KCNIP4: variants seen among roughly 807,000 people sequenced by gnomAD.
KCNIP4 encodes the protein potassium voltage-gated channel interacting protein 4.
KCNIP4 carries 12 observed loss-of-function variants against 34.0 expected under a neutral mutation model. The ratio of observed to expected loss-of-function variants is 0.35; its 90% CI spans 0.23 to 0.57. The LOEUF is 0.57. Ranked by LOEUF, KCNIP4 falls within the 20% of genes least tolerant of loss-of-function variation. The pLI is 0.83. For missense variants in KCNIP4, 238 were observed against 311.7 expected (o/e 0.76, Z 1.78); for synonymous variants, 124 against 102.2 (o/e 1.21, Z -1.29).
intron 1 of KCNIP4, among the ~76,000 whole-genome samples, chr4:21,197,353 A>G (rs1052677018): frequency 7.2e-5 from 11 of 152,200 alleles, no homozygotes; most frequent in African/African-American, 2.2e-4. Context: ...AATGCATATT[A>G]TAACTTTTTG....
intron 1 of KCNIP4, among the ~76,000 whole-genome samples, chr4:20,960,151 T>C (rs1733708477): frequency 6.6e-6 from 1 of 152,198 alleles, no homozygotes; most frequent in Non-Finnish European, 1.5e-5. Flanking sequence ...GGAGCACATA[T>C]GATAAAAGCA....
chr4:20,936,573 T>A (rs1028486335), intron 1 of KCNIP4, among the ~76,000 whole-genome samples: 4 of 152,084 alleles, frequency 2.6e-5, no homozygotes, highest in African/African-American at 4.8e-5. Context: ...TTAAAAAAAA[T>A]TCCAAAATTC....
At chr4:21,074,705 C>T (rs1314048912) in intron 1 of KCNIP4, among the ~76,000 whole-genome samples, 3 of 151,964 alleles carry the variant, frequency 2.0e-5, no homozygotes, top group South Asian at 2.1e-4. Context: ...GCTCTTGCTT[C>T]CCTAGTTCTT....
intron 1 of KCNIP4, among the ~76,000 whole-genome samples, chr4:21,182,382 C>G (rs1476090976): frequency 1.3e-5 from 2 of 151,846 alleles, no homozygotes; most frequent in Non-Finnish European, 2.9e-5. Flanking sequence ...CATACATTTT[C>G]TTTTTCCTTA....
chr4:21,715,198 A>G (rs1714261035), intron 1 of KCNIP4, among the ~76,000 whole-genome samples: 1 of 151,254 alleles, frequency 6.6e-6, no homozygotes, highest in South Asian at 2.1e-4. Context: ...CTCCTGCCTT[A>G]TCTTCCCAAG....
chr4:20,919,429 C>G (rs1166826453), intron 1 of KCNIP4, among the ~76,000 whole-genome samples: 2 of 150,412 alleles, frequency 1.3e-5, no homozygotes, highest in Non-Finnish European at 3.0e-5. Flanking sequence ...ATAGATCGGG[C>G]GCGGTGGCTC....
intron 1 of KCNIP4, among the ~76,000 whole-genome samples, chr4:21,288,854 G>T (rs1419767640): frequency 6.6e-6 from 1 of 152,166 alleles, no homozygotes; most frequent in African/African-American, 2.4e-5. Flanking sequence ...GCATTAGTTT[G>T]CTTAGAATAA....
chr4:20,844,256 C>A (rs1450365055), intron 3 of KCNIP4, among the ~76,000 whole-genome samples: 1 of 152,190 alleles, frequency 6.6e-6, no homozygotes. Context: ...TATAGGCAAT[C>A]TTCCCTTCAG....
intron 3 of KCNIP4, among the ~76,000 whole-genome samples, chr4:20,848,504 T>TA (rs71655607): frequency 0.25 from 38,175 of 149,886 alleles, 5,043 homozygotes; most frequent in South Asian, 0.4. Context: ...AAACATAAAA[T>TA]AAAAAAAAAT....
intron 1 of KCNIP4, among the ~76,000 whole-genome samples, chr4:21,796,393 C>T (rs1720627915): frequency 6.6e-6 from 1 of 152,166 alleles, no homozygotes; most frequent in African/African-American, 2.4e-5. Flanking sequence ...GTGACCTCTT[C>T]CAATGAGGTC....
At chr4:21,540,331 C>A (rs1408794007) in intron 1 of KCNIP4, among the ~76,000 whole-genome samples, 2 of 152,096 alleles carry the variant, frequency 1.3e-5, no homozygotes, top group Non-Finnish European at 2.9e-5. Context: ...ACCTGACAAC[C>A]TTTAATAACA....
intron 1 of KCNIP4, among the ~76,000 whole-genome samples, chr4:21,577,827 T>C (rs1466150230): frequency 6.6e-6 from 1 of 152,118 alleles, no homozygotes; most frequent in Non-Finnish European, 1.5e-5. Context: ...TGTCATCATT[T>C]GGTATTTTCT....
intron 1 of KCNIP4, among the ~76,000 whole-genome samples, chr4:21,827,672 CA>C (rs1028429283): frequency 6.6e-6 from 1 of 152,018 alleles, no homozygotes; most frequent in African/African-American, 2.4e-5. Flanking sequence ...AATCTTGCCA[CA>C]AAAAATAAGA....
intron 1 of KCNIP4, among the ~76,000 whole-genome samples, chr4:20,918,655 C>T (rs1165839564): frequency 6.6e-6 from 1 of 152,184 alleles, no homozygotes; most frequent in East Asian, 1.9e-4. Context: ...TTCCTATCTT[C>T]CTGGAGCCTG....
chr4:21,381,481 A>G (rs781767584), intron 1 of KCNIP4, among the ~76,000 whole-genome samples: 6 of 152,218 alleles, frequency 3.9e-5, no homozygotes, highest in Non-Finnish European at 7.3e-5. Context: ...TCATGTACAT[A>G]GAAAAGATAT....
chr4:21,106,013 G>C (rs1748489792), intron 1 of KCNIP4, among the ~76,000 whole-genome samples: 1 of 151,486 alleles, frequency 6.6e-6, no homozygotes, highest in Non-Finnish European at 1.5e-5. Flanking sequence ...TTTTACTGAG[G>C]ATTTTTGCAT....
intron 1 of KCNIP4, among the ~76,000 whole-genome samples, chr4:21,918,916 C>T (rs1728790604): frequency 6.6e-6 from 1 of 152,104 alleles, no homozygotes; most frequent in Non-Finnish European, 1.5e-5. Flanking sequence ...TTTCTGGGGA[C>T]CTGCGCTGTT....
intron 1 of KCNIP4, among the ~76,000 whole-genome samples, chr4:21,182,291 G>T (rs928215761): frequency 5.3e-5 from 8 of 152,058 alleles, no homozygotes; most frequent in Non-Finnish European, 1.2e-4. Context: ...TCATTTTCTT[G>T]CTCAAAACAA....
At chr4:21,406,643 A>C (rs1724017720) in intron 1 of KCNIP4, among the ~76,000 whole-genome samples, 1 of 152,222 alleles carries the variant, frequency 6.6e-6, no homozygotes, top group South Asian at 2.1e-4. Context: ...CGCTGATGTA[A>C]TTGAGTTTTG....
Sources: allele counts gnomAD v4.1 joint callset (sites outside exome capture counted in the v4.1 genomes callset), GRCh38; gene constraint gnomAD v4.1.1; transcripts MANE v1.5; gene names NCBI Gene and HGNC (gene_info 2026-07-23, HGNC 2026-07-21).